The following SNX25 variants were observed in gnomAD, a reference collection of about 807,000 sequenced individuals.
SNX25 encodes sorting nexin 25, also known as sorting nexin-25.
A neutral mutation model predicts 113.7 loss-of-function variants in SNX25; 62 were observed. The ratio of observed to expected loss-of-function variants is 0.55; its 90% confidence interval spans 0.44 to 0.67. The LOEUF is 0.67. Ranked by LOEUF, SNX25 falls within the 30% of genes least tolerant of loss-of-function variation. SNX25 has a pLI of 0.00. For synonymous variants in SNX25, 421 were observed against 436.2 expected (o/e 0.97, Z 0.43); for missense variants, 1,014 against 1,161.0 (o/e 0.87, Z 1.84).
chr4:185,212,491 G>GTGTGTGTTTGTTT (rs546083196), intron 1 of SNX25, among the ~76,000 whole-genome samples: 6 of 104,940 alleles, frequency 5.7e-5, no homozygotes, highest in East Asian at 2.7e-4. Flanking sequence ...GTGTGTGTGT[G>GTGTGTGTTTGTTT]TTTTTTTTTT....
At chr4:185,225,813 A>G (rs1341449901) in intron 1 of SNX25, among the ~76,000 whole-genome samples, 1 of 152,212 alleles carries the variant, frequency 6.6e-6, no homozygotes, top group African/African-American at 2.4e-5. Context: ...GTGAGGTTAA[A>G]CCATGTGCTC....
chr4:185,342,221 T>C (rs2095263512), intron 12 of SNX25, 105 bp downstream of exon 12: 1 of 1,271,288 alleles, frequency 7.9e-7, no homozygotes, highest in African/African-American at 1.5e-5. Flanking sequence ...CTGTTGATAC[T>C]GGCACAGTGG....
chr4:185,320,870 A>G lies in SNX25; in HGVS notation c.1476+6A>G, dbSNP rs989122692. The G allele has an allele frequency of 1.3e-6, 2 of 1,578,958 alleles. No individual in the cohort carries two copies. Among genetic ancestry groups the G allele is most frequent in the Non-Finnish European group, 1.7e-6 (2 of 1,166,502 alleles). ...ATTTAAAGAATGCTAACAAGGTAGTATATGTAGGCTGAAAGGAATATTAAT... is the reference window on the plus strand; with the variant it reads ...ATTTAAAGAATGCTAACAAGGTAGTGTATGTAGGCTGAAAGGAATATTAAT... On this transcript the variant is annotated splice_donor_region_variant and intron_variant, in intron 8 of 18. Coordinates refer to ENST00000652585, the MANE Select transcript of SNX25 (RefSeq NM_001378034.2).
chr4:185,377,129 G>T, the SNX25 span: 2 of 799,514 alleles, frequency 2.5e-6, no homozygotes, highest in Non-Finnish European at 4.2e-6. Flanking sequence ...TTGCTTTCTA[G>T]TGCTCATTCC....
intron 5 of SNX25, among the ~76,000 whole-genome samples, chr4:185,280,626 C>T (rs1319405504): frequency 6.6e-6 from 1 of 152,192 alleles, no homozygotes; most frequent in East Asian, 1.9e-4. Flanking sequence ...ATAACAGACA[C>T]TAAAGCCACC....
chr4:185,249,791 T>C (rs533648819), intron 2 of SNX25, among the ~76,000 whole-genome samples: 6 of 152,192 alleles, frequency 3.9e-5, no homozygotes, highest in Admixed American at 2.0e-4. Context: ...TCTTTTTTTC[T>C]TGTTGTTTCT....
At chr4:185,245,686 A>G (rs756475964) in intron 1 of SNX25, among the ~76,000 whole-genome samples, 1 of 152,174 alleles carries the variant, frequency 6.6e-6, no homozygotes, top group African/African-American at 2.4e-5. Flanking sequence ...TTGCTGGTAT[A>G]CAGACACACA....
chr4:185,216,090 C>A (rs1392868487), intron 1 of SNX25, among the ~76,000 whole-genome samples: 1 of 152,098 alleles, frequency 6.6e-6, no homozygotes. Flanking sequence ...AGTCATCTTG[C>A]CTGACTTAAA....
chr4:185,256,200 T>C (rs1200143561), intron 2 of SNX25, among the ~76,000 whole-genome samples: 2 of 152,206 alleles, frequency 1.3e-5, no homozygotes, highest in Admixed American at 6.5e-5. Context: ...TTGAGATAGA[T>C]CTTTTTTCTG....
At chr4:185,373,779 T>C (rs1471578543), downstream of SNX25, among the ~76,000 whole-genome samples, 1 of 152,232 alleles carries the variant, frequency 6.6e-6, no homozygotes, top group Non-Finnish European at 1.5e-5. Context: ...ATTTTATTTG[T>C]AACTAATTCT....
intron 12 of SNX25, among the ~76,000 whole-genome samples, chr4:185,345,380 C>T (rs1273408298): frequency 6.6e-6 from 1 of 152,198 alleles, no homozygotes; most frequent in African/African-American, 2.4e-5. Context: ...CATGAAATAA[C>T]ACATGCTATG....
intron 2 of SNX25, among the ~76,000 whole-genome samples, chr4:185,249,761 G>A (rs981057371): frequency 2.0e-5 from 3 of 151,930 alleles, no homozygotes; most frequent in Non-Finnish European, 4.4e-5. Context: ...TGCTTTTCAT[G>A]TGTAGAATTT....
downstream of SNX25, chr4:185,365,414 T>A (rs1035620109): frequency 2.6e-5 from 4 of 151,992 alleles, no homozygotes; most frequent in East Asian, 7.7e-4. Context: ...GAGTGCAATT[T>A]GCGCGATCTC....
At chr4:185,288,725 G>A (rs1282713471) in intron 6 of SNX25, among the ~76,000 whole-genome samples, 1 of 152,070 alleles carries the variant, frequency 6.6e-6, no homozygotes, top group Admixed American at 6.6e-5. Context: ...TAAGGTGTGA[G>A]GATGGCTCTC....
At chr4:185,311,486 T>G (rs2095030095) in intron 7 of SNX25, among the ~76,000 whole-genome samples, 1 of 152,134 alleles carries the variant, frequency 6.6e-6, no homozygotes, top group Admixed American at 6.6e-5. Flanking sequence ...GGACCAAACT[T>G]GTCTTCCAAG....
At chr4:185,276,326 A>G (rs1279189419) in intron 5 of SNX25, among the ~76,000 whole-genome samples, 1 of 152,212 alleles carries the variant, frequency 6.6e-6, no homozygotes, top group Admixed American at 6.5e-5. Flanking sequence ...AGGATAGCAA[A>G]TAGATTTAAT....
At chr4:185,220,210 C>T (rs1739561929) in intron 1 of SNX25, among the ~76,000 whole-genome samples, 1 of 152,140 alleles carries the variant, frequency 6.6e-6, no homozygotes, top group Admixed American at 6.5e-5. Context: ...CCCAGTGGTA[C>T]CCGAAGCTTG....
At chr4:185,302,801 A>G (rs1753896312) in intron 6 of SNX25, among the ~76,000 whole-genome samples, 1 of 152,156 alleles carries the variant, frequency 6.6e-6, no homozygotes, top group Non-Finnish European at 1.5e-5. Context: ...CCATTGCCCC[A>G]AGGGCTCTTG....
chr4:185,264,973 C>CGT (rs574928316), intron 4 of SNX25, among the ~76,000 whole-genome samples: 95 of 149,012 alleles, frequency 6.4e-4, no homozygotes, highest in Admixed American at 3.7e-3. Flanking sequence ...TTATATATTA[C>CGT]GTGTGTGTGT....
Sources: allele counts gnomAD v4.1 joint callset (sites outside exome capture counted in the v4.1 genomes callset), GRCh38; gene constraint gnomAD v4.1.1; transcripts MANE v1.5; gene names NCBI Gene and HGNC (gene_info 2026-07-23, HGNC 2026-07-21).